The following PDE4D variants were observed in gnomAD, a reference collection of about 807,000 sequenced individuals.
PDE4D encodes phosphodiesterase 4D.
Under a neutral mutation model 87.4 loss-of-function variants are expected in PDE4D, and 24 were observed. The ratio of observed to expected loss-of-function variants is 0.27; its 90% confidence interval spans 0.20 to 0.39. PDE4D has a LOEUF of 0.39. PDE4D is among the 10% of genes least tolerant of loss of function. The probability of loss-of-function intolerance (pLI) is 1.00; values close to 1 mark genes in which losing one functional copy is unlikely to be tolerated. For synonymous variants in PDE4D, 384 were observed against 383.2 expected, an observed-to-expected ratio of 1.00 and a Z score of -0.02; for missense variants, 714 against 1,041.0, an observed-to-expected ratio of 0.69 and a Z score of 4.32.
chr5:60,416,508 C>A (rs184631317), intron 1 of PDE4D, among the ~76,000 whole-genome samples: 58 of 152,270 alleles, frequency 3.8e-4, no homozygotes, highest in African/African-American at 1.3e-3. Flanking sequence ...ACTCCAGACA[C>A]CCTGACTTAA....
intron 2 of PDE4D, among the ~76,000 whole-genome samples, chr5:60,084,281 A>C (rs979266565): frequency 6.6e-6 from 1 of 152,224 alleles, no homozygotes; most frequent in African/African-American, 2.4e-5. Context: ...TTTCTTTTAT[A>C]ATTGTAACTG....
At chr5:60,198,603 CTGT>C (rs751724069) in intron 1 of PDE4D, among the ~76,000 whole-genome samples, 62 of 151,740 alleles carry the variant, frequency 4.1e-4, no homozygotes, top group Non-Finnish European at 1.2e-4. Context: ...TATATAACCA[CTGT>C]ACCTAACTCT....
rs368839167 is a variant in PDE4D at position 59,726,929 on chromosome 5, C to T, written c.455+166239G>A. Among the ~76,000 whole-genome samples, 37 of 152,018 alleles carry T rather than the reference C, an allele frequency of 2.4e-4. 1 individual carries two copies. Among genetic ancestry groups the T allele is most frequent in the South Asian group, 1.0e-3 (5 of 4,818 alleles). On this transcript the variant is annotated intron_variant, in intron 1 of 14. Transcript: ENST00000340635. Reference sequence around the variant, plus strand: ...GATCATTTAATTCAACAGAGTTGAGCGCCTGCTATGTGCCAGGCAATGCAC... The same window carrying T: ...GATCATTTAATTCAACAGAGTTGAGTGCCTGCTATGTGCCAGGCAATGCAC...
chr5:60,455,359 T>C (rs539962221), intron 1 of PDE4D, among the ~76,000 whole-genome samples: 33 of 152,178 alleles, frequency 2.2e-4, no homozygotes, highest in African/African-American at 7.7e-4. Context: ...GGGCACAGGA[T>C]ATAGTAGGCA....
At chr5:60,351,306 A>C (rs1204292203) in intron 1 of PDE4D, among the ~76,000 whole-genome samples, 1 of 152,178 alleles carries the variant, frequency 6.6e-6, no homozygotes, top group African/African-American at 2.4e-5. Flanking sequence ...TTCATAACAG[A>C]ATCCCATTTT....
intron 1 of PDE4D, among the ~76,000 whole-genome samples, chr5:59,604,004 T>G (rs753315105): frequency 7.9e-5 from 12 of 152,130 alleles, no homozygotes; most frequent in Middle Eastern, 3.4e-3. Context: ...CATCATGTTG[T>G]AAATGATAAA....
chr5:59,022,127 T>A (rs1257719635), intron 6 of PDE4D, among the ~76,000 whole-genome samples: 1 of 152,164 alleles, frequency 6.6e-6, no homozygotes, highest in Non-Finnish European at 1.5e-5. Context: ...CTCCCTCCAT[T>A]TCTACAGCTG....
chr5:60,000,970 T>C (rs1763963018), intron 2 of PDE4D, among the ~76,000 whole-genome samples: 1 of 152,140 alleles, frequency 6.6e-6, no homozygotes, highest in African/African-American at 2.4e-5. Flanking sequence ...GAGATGGCCC[T>C]ATAACTTTGC....
chr5:59,831,840 A>G (rs1741298334), intron 1 of PDE4D, among the ~76,000 whole-genome samples: 1 of 152,074 alleles, frequency 6.6e-6, no homozygotes, highest in African/African-American at 2.4e-5. Flanking sequence ...GACGCAGTAC[A>G]GCAAACTGCA....
At chr5:59,657,219 T>C (rs1561418835) in intron 1 of PDE4D, among the ~76,000 whole-genome samples, 1 of 152,346 alleles carries the variant, frequency 6.6e-6, no homozygotes, top group Non-Finnish European at 1.5e-5. Context: ...CCATTTGCTA[T>C]GTTATGAATA....
rs188910808 is a variant in PDE4D, at chr5:59,807,553, A to T, written c.455+85615T>A. 2.2e-3 allele frequency among the ~76,000 whole-genome samples: 333 copies of T among 152,322 alleles called. 1 individual carries two copies. The highest frequency in any genetic ancestry group is 7.7e-3 in the African/African-American group (319 of 41,564). Reference sequence around the variant, plus strand: ...GTTCCAGACAGAGCCAGATGGGAAGAGAAGAGCAGAGCGGGTGGCCCTTTC... The same window carrying T: ...GTTCCAGACAGAGCCAGATGGGAAGTGAAGAGCAGAGCGGGTGGCCCTTTC... On this transcript the variant is annotated intron_variant, in intron 1 of 14. Transcript: ENST00000340635.
intron 2 of PDE4D, among the ~76,000 whole-genome samples, chr5:60,131,900 T>C (rs1176809825): frequency 6.6e-6 from 1 of 152,184 alleles, no homozygotes; most frequent in Non-Finnish European, 1.5e-5. Flanking sequence ...TTCTGCCATG[T>C]TATTAGGGCT....
In PDE4D at chr5:59,603,041, T is replaced by C. The variant is rs191686621; in HGVS notation, c.455+290127A>G. On this transcript the variant is annotated intron_variant, in intron 1 of 14. Coordinates refer to ENST00000340635, the MANE Select transcript of PDE4D (RefSeq NM_001104631.2). Reference sequence around the variant, plus strand: ...ACCATATATAAAAATCAACCTATAGTGGATGAAAGACATAAATGTAAGAAT... The same window carrying C: ...ACCATATATAAAAATCAACCTATAGCGGATGAAAGACATAAATGTAAGAAT... Among the ~76,000 whole-genome samples the C allele has an allele frequency of 1.8e-4, 27 of 151,936 alleles. No homozygotes were observed. In the East Asian group the frequency reaches 4.6e-3, roughly 26 times the overall value.
intron 1 of PDE4D, among the ~76,000 whole-genome samples, chr5:59,823,039 A>G (rs1364525521): frequency 6.6e-6 from 1 of 152,212 alleles, no homozygotes; most frequent in Non-Finnish European, 1.5e-5. Flanking sequence ...CAGTGTTTTT[A>G]ACAAAGCAGG....
intron 1 of PDE4D, among the ~76,000 whole-genome samples, chr5:60,443,503 A>G (rs552950340): frequency 3.3e-5 from 5 of 152,272 alleles, no homozygotes; most frequent in South Asian, 2.1e-4. Context: ...CTTTTTCCCC[A>G]GGGTAGAGAA....
At chr5:59,354,958 A>G (rs947054811) in intron 1 of PDE4D, among the ~76,000 whole-genome samples, 7 of 152,232 alleles carry the variant, frequency 4.6e-5, no homozygotes, top group Non-Finnish European at 1.0e-4. Flanking sequence ...GGGAAATTGT[A>G]TATTCAAATT....
chr5:59,372,068 T>A (rs537837972), intron 1 of PDE4D, among the ~76,000 whole-genome samples: 1 of 152,316 alleles, frequency 6.6e-6, no homozygotes, highest in South Asian at 2.1e-4. Context: ...TAAATTATGC[T>A]TTCCCTCATG....
At chr5:59,260,383 C>T (rs188268028) in intron 1 of PDE4D, among the ~76,000 whole-genome samples, 9 of 151,746 alleles carry the variant, frequency 5.9e-5, no homozygotes, top group African/African-American at 2.2e-4. Flanking sequence ...GCAATTGGCA[C>T]CAAGGGAATT....
intron 1 of PDE4D, among the ~76,000 whole-genome samples, chr5:59,867,947 G>A (rs1309830308): frequency 6.6e-6 from 1 of 152,160 alleles, no homozygotes; most frequent in Admixed American, 6.6e-5. Context: ...CTAAAGAGGG[G>A]TTTACTGGTC....
Sources: gnomAD v4.1 joint callset for allele counts (sites outside exome capture counted in the v4.1 genomes callset) on GRCh38, gnomAD v4.1.1 for gene constraint, MANE v1.5 for transcripts, NCBI Gene and HGNC (gene_info 2026-07-23, HGNC 2026-07-21) for gene names.